Variants in ARFGAP1 observed in about 807,000 individuals in gnomAD.
ARFGAP1 encodes ARF GTPase activating protein 1.
Under a neutral mutation model 54.0 loss-of-function variants are expected in ARFGAP1, and 26 were observed. The ratio of observed to expected loss-of-function variants is 0.48; its 90% CI spans 0.35 to 0.67. The LOEUF (loss-of-function observed/expected upper bound fraction) is 0.67. Ranked by LOEUF, ARFGAP1 falls within the 30% of genes least tolerant of loss-of-function variation. ARFGAP1 has a pLI of 0.00. For synonymous variants in ARFGAP1, 248 were observed against 211.9 expected, an observed-to-expected ratio of 1.17 and a Z score of -1.48; for missense variants, 525 against 535.8, an observed-to-expected ratio of 0.98 and a Z score of 0.20.
intron 5 of ARFGAP1, 47 bp from the exon 6 acceptor site, chr20:63,278,070 G>T: frequency 6.3e-7 from 1 of 1,583,970 alleles, no homozygotes; most frequent in South Asian, 1.1e-5. Context: ...GGTTACCTCA[G>T]ACTTCACCCA....
chr20:63,278,174 G>A lies in ARFGAP1; in HGVS notation c.501G>A (p.Trp167Ter). The change falls in exon 6 of 13, where the codon TGG becomes TGA. Residue 167 changes from tryptophan (W) to a stop codon, truncating the protein, a stop_gained. Coordinates refer to ENST00000370283, the MANE Select transcript of ARFGAP1 (RefSeq NM_018209.4). LOFTEE classifies it high-confidence loss of function. ...TASSDKAFED[W>*]LNDDLGSYQG... ...CCTCGGACAAGGCTTTTGAAGACTG[G>A]CTGAATGATGACCTCGGCTCCTATC... 1 of 1,613,666 alleles carries A rather than the reference G, an allele frequency of 6.2e-7. No individual in the cohort carries two copies.
At chr20:63,279,129 A>C (rs1207504182) in intron 7 of ARFGAP1, 134 bp downstream of exon 7, 1 of 869,140 alleles carries the variant, frequency 1.2e-6, no homozygotes, top group Non-Finnish European at 1.8e-6. Flanking sequence ...CCCCTCCCTT[A>C]CCTTCAGCGA....
chr20:63,275,547 GT>G lies in ARFGAP1; in HGVS notation c.-4-27del, dbSNP rs776271328. ...TTTTTGTAGAGTAGCCTGTTTGTAA[GT>G]TTAAAGTGTTTATTTTTCTCCTTTG... On this transcript the variant is annotated intron_variant, in intron 1 of 12. Coordinates refer to ENST00000370283, the MANE Select transcript of ARFGAP1 (RefSeq NM_018209.4). 22 of 1,608,876 alleles carry G rather than the reference GT, an allele frequency of 1.4e-5. No homozygotes were observed. The Middle Eastern group carries it at 6.6e-4, about 48-fold the overall frequency.
intron 10 of ARFGAP1, 64 bp from the exon 11 acceptor site, chr20:63,285,590 C>T (rs1249442658): frequency 1.3e-6 from 2 of 1,553,044 alleles, no homozygotes; most frequent in African/African-American, 2.7e-5. Flanking sequence ...GATTCCTGCA[C>T]TCCTGAAGCT....
Position 63,275,609 on chromosome 20 carries a change from T to C in ARFGAP1, c.29T>C (p.Leu10Pro). The change falls in exon 2 of 13, where the codon CTT becomes CCT. Residue 10 changes from leucine (L) to proline (P), a missense_variant. Physicochemically the swap from Leu to Pro is moderately conservative, Grantham distance 98. This residue lies in a region of ARFGAP1 where 39 missense variants were observed against 40.4 expected (regional missense o/e 0.97). Coordinates refer to ENST00000370283, the MANE Select transcript of ARFGAP1 (RefSeq NM_018209.4). ...GCCAGCCCAAGAACCAGGAAGGTTC[T>C]TAAAGAAGTCAGGGTGCAGGATGAG... MASPRTRKVLKEVRVQDENN... is the reference protein window; with the variant it reads MASPRTRKVPKEVRVQDENN... The C allele has an allele frequency of 6.2e-7, 1 of 1,613,936 alleles. No individual in the cohort carries two copies. The highest frequency in any genetic ancestry group is 8.5e-7 in the Non-Finnish European group (1 of 1,180,008).
In ARFGAP1 at chr20:63,276,189, G is replaced by C. The variant is rs781352440; in HGVS notation, c.159G>C (p.Gly53=). 1 of 1,613,718 alleles carries C rather than the reference G, an allele frequency of 6.2e-7. No homozygotes were observed. Among genetic ancestry groups the C allele is most frequent in the South Asian group, 1.1e-5 (1 of 91,080 alleles). The change falls in exon 3 of 13, where the codon GGG becomes GGC. Residue 53 remains glycine (G), a synonymous_variant. Transcript: ENST00000370283. This position sits in a 1 kb window ranked among gnomAD's most constrained non-coding sequence, Gnocchi z 5.2. ...LECSGRHRGL[G]VHLSFVRSVT... is the part of the protein sequence containing the mutation. ...GCTCGGGGAGACACCGCGGGCTTGGGGTTCACCTCAGGTCAGTGTCCTGCC... is the reference window on the plus strand; with the variant it reads ...GCTCGGGGAGACACCGCGGGCTTGGCGTTCACCTCAGGTCAGTGTCCTGCC...
At position 63,276,669 on chromosome 20, in the gene ARFGAP1, T is replaced by G. The variant is rs1287987324; in HGVS notation, c.342+18T>G. On this transcript the variant is annotated intron_variant, in intron 4 of 12. Transcript: ENST00000370283. This position sits in a 1 kb window ranked among gnomAD's most constrained non-coding sequence, Gnocchi z 5.2. ...GGGATAAGGTAGAGATGGGCCCGAT[T>G]CACTCTTGCCCATGGTGTGGGGCTG... 6.3e-7 allele frequency: 1 copy of G among 1,589,856 alleles called. No individual in the cohort carries two copies. Among genetic ancestry groups the G allele is most frequent in the Non-Finnish European group, 8.6e-7 (1 of 1,166,266 alleles).
chr20:63,285,378 A>G, intron 10 of ARFGAP1: 1 of 543,694 alleles, frequency 1.8e-6, no homozygotes, highest in Non-Finnish European at 3.3e-6. Flanking sequence ...GGGAAGACCC[A>G]CCTGGGGCAG....
chr20:63,282,571 C>T (rs1308441778), intron 8 of ARFGAP1, among the ~76,000 whole-genome samples: 1 of 152,236 alleles, frequency 6.6e-6, no homozygotes, highest in Non-Finnish European at 1.5e-5. Flanking sequence ...TTGCACGCTG[C>T]TCACGTGTGC....
At chr20:63,284,473 G>C (rs1455133928) in intron 9 of ARFGAP1, 4 of 1,107,604 alleles carry the variant, frequency 3.6e-6, no homozygotes, top group Non-Finnish European at 4.4e-6. Flanking sequence ...CTCCAGGGGG[G>C]ACTCGGTGCC....
Position 63,284,119 on chromosome 20 carries a change from T to A in ARFGAP1, c.718-747T>A, listed in dbSNP as rs900107896. The A allele has an allele frequency of 2.2e-6, 3 of 1,339,512 alleles. No homozygotes were observed. The African/African-American group carries it at 4.5e-5, about 20-fold the overall frequency. The allele number at this position is 1,339,512 out of a possible 1,614,324, so 83.0% of individuals were successfully genotyped here. On this transcript the variant is annotated intron_variant, in intron 9 of 12. Transcript: ENST00000370283. ...ACTGCGCTCCCCCCGGGCAAAAAAATGAGACCCCCATCTCCAAAACACACA... is the reference window on the plus strand; with the variant it reads ...ACTGCGCTCCCCCCGGGCAAAAAAAAGAGACCCCCATCTCCAAAACACACA...
chr20:63,284,733 C>T (rs990994554), intron 9 of ARFGAP1, 133 bp from the exon 10 acceptor site: 20 of 1,507,948 alleles, frequency 1.3e-5, no homozygotes, highest in Non-Finnish European at 1.8e-5. Flanking sequence ...TTCCTGCTCC[C>T]TGCGCTTGTA....
Position 63,276,513 on chromosome 20 carries a change from G to C in ARFGAP1, c.204G>C (p.Lys68Asn). The change falls in exon 4 of 13, where the codon AAG becomes AAC. Residue 68 changes from lysine to asparagine, a missense_variant. By Grantham distance (94) the Lys-to-Asn change is moderately conservative (BLOSUM62 0). Coordinates refer to ENST00000370283, the MANE Select transcript of ARFGAP1 (RefSeq NM_018209.4). The surrounding 1 kb of genome is among the most constrained non-coding windows in gnomAD (Gnocchi z 5.2). ...GCTCTGTTACTATGGACAAGTGGAA[G>C]GACATTGAGCTTGAGAAGATGAAAG... ...FVRSVTMDKW[K>N]DIELEKMKAG... 2 of 1,613,778 alleles carry C rather than the reference G, an allele frequency of 1.2e-6. No homozygotes were observed. The highest frequency in any genetic ancestry group is 1.7e-6 in the Non-Finnish European group (2 of 1,179,862).
chr20:63,288,213 G>A lies in ARFGAP1; in HGVS notation c.*340G>A, dbSNP rs867304111. The A allele has an allele frequency of 3.0e-5, 17 of 561,302 alleles. No homozygotes were observed. Among genetic ancestry groups the A allele is most frequent in the Non-Finnish European group, 5.1e-5 (15 of 296,760 alleles). 34.8% of individuals were successfully genotyped at this position (561,302 alleles called of 1,614,324 possible). ...TGCGTTCCAGCGGCCAGTTCACTAC[G>A]CAGTATCTCTGGGGCCTGGGACCAG... On this transcript the variant is annotated 3_prime_UTR_variant, in exon 13 of 13. Coordinates refer to ENST00000370283, the MANE Select transcript of ARFGAP1 (RefSeq NM_018209.4).
Position 63,287,835 on chromosome 20 carries a change from G to T in ARFGAP1, c.1183G>T (p.Val395Leu). 6.4e-7 allele frequency: 1 copy of T among 1,571,640 alleles called. No homozygotes were observed. Among genetic ancestry groups the T allele is most frequent in the Non-Finnish European group, 8.6e-7 (1 of 1,158,856 alleles). The change falls in exon 13 of 13, where the codon GTG becomes TTG. Residue 395 changes from valine to leucine, a missense_variant. Around this residue, in one of 3 missense-constraint regions of ARFGAP1, gnomAD observed 466 missense variants for 453.6 expected, o/e 1.03. Transcript: ENST00000370283. Reference protein sequence around the residue: ...EGTKKAVPPAVPTDDGWDNQN... With the variant: ...EGTKKAVPPALPTDDGWDNQN... The stretch of plus-strand genomic sequence containing the variant: ...CACCAAGAAGGCAGTGCCGCCGGCC[G>T]TGCCCACTGATGATGGCTGGGACAA...
chr20:63,283,131 G>A, intron 9 of ARFGAP1: 1 of 517,962 alleles, frequency 1.9e-6, no homozygotes. Flanking sequence ...ACCTTGTTGG[G>A]AGCAGGACTG....
At chr20:63,278,239 C>A (rs760464575) in intron 6 of ARFGAP1, 36 bp downstream of exon 6, 1 of 1,604,028 alleles carries the variant, frequency 6.2e-7, no homozygotes, top group Non-Finnish European at 8.5e-7. Context: ...CTGGCGTGGG[C>A]CAGGCCCACA....
chr20:63,277,115 C>CG, intron 4 of ARFGAP1, 90 bp from the exon 5 acceptor site: 1 of 1,120,210 alleles, frequency 8.9e-7, no homozygotes, highest in Non-Finnish European at 1.3e-6. Context: ...GTGCTCCAGG[C>CG]GGGCCGTGGG....
chr20:63,283,455 G>A, intron 9 of ARFGAP1: 1 of 229,198 alleles, frequency 4.4e-6, no homozygotes, highest in Non-Finnish European at 8.5e-6. Flanking sequence ...GCTCAGGACT[G>A]CAGGCGTGGA....
Sources: allele counts gnomAD v4.1 joint callset (sites outside exome capture counted in the v4.1 genomes callset), GRCh38; gene constraint gnomAD v4.1.1; regional missense constraint gnomAD v4.1.1; non-coding constraint Gnocchi (gnomAD v3.1); transcripts MANE v1.5; gene names NCBI Gene and HGNC (gene_info 2026-07-23, HGNC 2026-07-21).